Variants in SLC41A3 observed in about 807,000 individuals in gnomAD.
SLC41A3 encodes the protein SLC41A1-like 2.
A neutral mutation model predicts 45.4 loss-of-function variants in SLC41A3; 44 were observed. The observed-to-expected ratio is 0.97, with a 90% confidence interval of 0.76 to 1.25. The LOEUF (loss-of-function observed/expected upper bound fraction) is 1.25. Among genes scored for constraint, SLC41A3 ranks in the 50% most tolerant of loss-of-function variants. The pLI is 0.00. For synonymous variants in SLC41A3, 256 were observed against 252.4 expected (o/e 1.01, Z -0.13); for missense variants, 550 against 600.6 (o/e 0.92, Z 0.88).
intron 1 of SLC41A3, among the ~76,000 whole-genome samples, chr3:126,098,687 T>C (rs1317110671): frequency 6.6e-6 from 1 of 152,252 alleles, no homozygotes; most frequent in African/African-American, 2.4e-5. Context: ...CCTTCCCTCA[T>C]GACTGTTCCA....
At chr3:126,067,781 C>T (rs1284249226) in intron 2 of SLC41A3, among the ~76,000 whole-genome samples, 166 bp downstream of exon 2, 1 of 151,954 alleles carries the variant, frequency 6.6e-6, no homozygotes, top group Non-Finnish European at 1.5e-5. Context: ...AATTTAGTCT[C>T]TGTCACCAGA....
intron 4 of SLC41A3, among the ~76,000 whole-genome samples, chr3:126,028,558 C>A (rs1048042450): frequency 1.3e-5 from 2 of 152,396 alleles, no homozygotes; most frequent in South Asian, 4.1e-4. Context: ...CTCATGGAGA[C>A]CCTCTACTAG....
At chr3:126,097,424 A>C (rs1243876273) in intron 1 of SLC41A3, among the ~76,000 whole-genome samples, 1 of 152,144 alleles carries the variant, frequency 6.6e-6, no homozygotes, top group Non-Finnish European at 1.5e-5. Context: ...ATTCTTAGAG[A>C]GGCAATTCAG....
chr3:126,053,642 T>C (rs545097465), intron 2 of SLC41A3, among the ~76,000 whole-genome samples: 2 of 152,120 alleles, frequency 1.3e-5, no homozygotes, highest in Non-Finnish European at 2.9e-5. Context: ...GTTTTTAAAG[T>C]CCCTTTGAGT....
rs1295046526 is a variant in SLC41A3, at chr3:126,039,377, T to C, written c.382-5699A>G. ...GCTCCTGAATCTCATTGTAGAAGAA[T>C]ACAAATCAGCTATTTTATGGGATGT... On this transcript the variant is annotated intron_variant, in intron 3 of 10. Coordinates refer to ENST00000360370, the MANE Select transcript of SLC41A3 (RefSeq NM_017836.4). Among the ~76,000 whole-genome samples the C allele has an allele frequency of 1.3e-5, 2 of 152,218 alleles. 1 individual carries two copies. Among genetic ancestry groups the C allele is most frequent in the Non-Finnish European group, 2.9e-5 (2 of 68,030 alleles).
intron 1 of SLC41A3, 158 bp downstream of exon 1, chr3:126,083,935 C>T (rs1360865855): frequency 1.3e-5 from 2 of 149,678 alleles, no homozygotes; most frequent in Non-Finnish European, 3.0e-5. Context: ...CCACCTGACT[C>T]CCCCTCCCGC....
At chr3:126,046,317 G>A (rs1352844249) in intron 3 of SLC41A3, among the ~76,000 whole-genome samples, 1 of 151,360 alleles carries the variant, frequency 6.6e-6, no homozygotes, top group East Asian at 1.9e-4. Flanking sequence ...ACCTCTGTTT[G>A]CAGATAATGT....
At chr3:126,056,567 C>G (rs371771556) in intron 2 of SLC41A3, 1 of 1,610,780 alleles carries the variant, frequency 6.2e-7, no homozygotes, top group African/African-American at 1.3e-5. Flanking sequence ...AGGCAATGCA[C>G]CACGATCCCA....
At chr3:126,038,912 T>G (rs1371057588) in intron 3 of SLC41A3, among the ~76,000 whole-genome samples, 1 of 152,160 alleles carries the variant, frequency 6.6e-6, no homozygotes, top group Non-Finnish European at 1.5e-5. Context: ...GGATCCTTCA[T>G]GATTGGCTGG....
chr3:126,089,490 C>G (rs1945451147), intron 1 of SLC41A3, among the ~76,000 whole-genome samples: 1 of 152,150 alleles, frequency 6.6e-6, no homozygotes, highest in African/African-American at 2.4e-5. Flanking sequence ...CTTTCTAGTG[C>G]TATAAAACTA....
intron 1 of SLC41A3, among the ~76,000 whole-genome samples, chr3:126,079,581 A>T (rs1370306740): frequency 6.6e-6 from 1 of 152,232 alleles, no homozygotes; most frequent in African/African-American, 2.4e-5. Flanking sequence ...GAGGTTAGGG[A>T]AATAAAAATG....
chr3:126,073,894 A>G (rs1224937934), intron 1 of SLC41A3, among the ~76,000 whole-genome samples: 1 of 152,180 alleles, frequency 6.6e-6, no homozygotes, highest in Non-Finnish European at 1.5e-5. Context: ...AACCCAAGAA[A>G]GCTACAGACC....
upstream of SLC41A3, among the ~76,000 whole-genome samples, chr3:126,086,384 ATTTT>A (rs1250342426): frequency 2.5e-5 from 1 of 39,508 alleles, no homozygotes; most frequent in Admixed American, 2.5e-4. Flanking sequence ...GATCTAACCT[ATTTT>A]TCTTTTTCTT....
At chr3:126,071,634 T>A (rs895724521) in intron 1 of SLC41A3, among the ~76,000 whole-genome samples, 1 of 152,220 alleles carries the variant, frequency 6.6e-6, no homozygotes, top group Admixed American at 6.5e-5. Context: ...GCAGGCTTGA[T>A]CTATCTTAGG....
intron 2 of SLC41A3, among the ~76,000 whole-genome samples, chr3:126,058,664 C>T (rs2081628085): frequency 6.6e-6 from 1 of 152,346 alleles, no homozygotes; most frequent in South Asian, 2.1e-4. Context: ...CAGGCACAAC[C>T]CACAGGTGCA....
chr3:126,093,424 T>TGTCTG (rs1945529766), intron 1 of SLC41A3, among the ~76,000 whole-genome samples: 1 of 152,208 alleles, frequency 6.6e-6, no homozygotes, highest in African/African-American at 2.4e-5. Context: ...GCTCAGGCCA[T>TGTCTG]TCCCTCACCC....
At chr3:126,057,217 C>T (rs955036755) in intron 2 of SLC41A3, 25 of 959,154 alleles carry the variant, frequency 2.6e-5, no homozygotes, top group Non-Finnish European at 3.1e-5. Flanking sequence ...CCAGGGGGTT[C>T]ATGGCCACAG....
intron 8 of SLC41A3, among the ~76,000 whole-genome samples, chr3:126,014,165 G>C (rs1940025080): frequency 6.6e-6 from 1 of 152,154 alleles, no homozygotes; most frequent in Non-Finnish European, 1.5e-5. Flanking sequence ...CTCTCAGGCA[G>C]AGGCCAACCA....
At chr3:126,032,504 T>C (rs1576264991) in intron 4 of SLC41A3, among the ~76,000 whole-genome samples, 2 of 152,210 alleles carry the variant, frequency 1.3e-5, no homozygotes, top group South Asian at 4.1e-4. Context: ...AGATGCCACA[T>C]TCTGACATGG....
Sources: gnomAD v4.1 joint callset for allele counts (sites outside exome capture counted in the v4.1 genomes callset) on GRCh38, gnomAD v4.1.1 for gene constraint, MANE v1.5 for transcripts, NCBI Gene and HGNC (gene_info 2026-07-23, HGNC 2026-07-21) for gene names.